Variants in RGS6 observed in about 807,000 individuals in gnomAD.
RGS6 encodes regulator of G protein signaling 6, also known as regulator of G-protein signaling 6.
RGS6 carries 30 observed loss-of-function variants against 78.5 expected under a neutral mutation model. That is an observed-to-expected ratio of 0.38 (90% CI 0.29 to 0.52). The LOEUF (loss-of-function observed/expected upper bound fraction) is 0.52, where lower values mean the gene tolerates loss of function less well. Among genes scored for constraint, RGS6 ranks in the 20% least tolerant of loss-of-function variants. RGS6 has a pLI of 0.85. For synonymous variants in RGS6, 206 were observed against 206.0 expected, an observed-to-expected ratio of 1.00 and a Z score of 0.00; for missense variants, 495 against 609.7, an observed-to-expected ratio of 0.81 and a Z score of 1.98.
intron 2 of RGS6, among the ~76,000 whole-genome samples, chr14:72,278,077 T>TG (rs964719473): frequency 1.3e-5 from 2 of 151,866 alleles, no homozygotes; most frequent in Admixed American, 6.6e-5. Context: ...TGGGGCAGAA[T>TG]GGGAAAAGAA....
intron 2 of RGS6, among the ~76,000 whole-genome samples, chr14:72,182,998 G>A (rs2097194439): frequency 6.6e-6 from 1 of 152,166 alleles, no homozygotes; most frequent in Non-Finnish European, 1.5e-5. Context: ...ACCTCCTTCA[G>A]CCACATGGTA....
At chr14:72,542,639 C>T (rs1380102675) in intron 17 of RGS6, among the ~76,000 whole-genome samples, 1 of 152,138 alleles carries the variant, frequency 6.6e-6, no homozygotes, top group Non-Finnish European at 1.5e-5. Context: ...AGGCCAATTA[C>T]CATTTAGGAT....
At chr14:72,388,193 A>G (rs2088848051) in intron 3 of RGS6, among the ~76,000 whole-genome samples, 1 of 152,188 alleles carries the variant, frequency 6.6e-6, no homozygotes, top group Non-Finnish European at 1.5e-5. Flanking sequence ...GTTTTCTGCC[A>G]GGAGCAGGTA....
intron 2 of RGS6, among the ~76,000 whole-genome samples, chr14:72,334,334 C>A (rs997081797): frequency 2.0e-5 from 3 of 152,216 alleles, no homozygotes; most frequent in African/African-American, 7.2e-5. Flanking sequence ...AAAGAGCCTT[C>A]CTATATGTCT....
At chr14:72,603,164 A>G in the RGS6 span, among the ~76,000 whole-genome samples, 2 of 152,162 alleles carry the variant, frequency 1.3e-5, no homozygotes, top group African/African-American at 4.8e-5. Flanking sequence ...CATGGAGATC[A>G]TTTTCATAAT....
intron 2 of RGS6, among the ~76,000 whole-genome samples, chr14:72,010,404 T>C (rs557230006): frequency 3.3e-5 from 5 of 152,296 alleles, no homozygotes; most frequent in East Asian, 1.9e-4. Flanking sequence ...AAAATGAGTT[T>C]AATGTAGGGA....
At chr14:72,555,865 CTGTT>C (rs141837647) in intron 17 of RGS6, among the ~76,000 whole-genome samples, 13 of 152,326 alleles carry the variant, frequency 8.5e-5, no homozygotes, top group South Asian at 2.1e-4. Flanking sequence ...CAGCAGGTGG[CTGTT>C]TGTTAGTAAC....
At chr14:72,401,593 T>C (rs2092407649) in intron 3 of RGS6, among the ~76,000 whole-genome samples, 1 of 150,616 alleles carries the variant, frequency 6.6e-6, no homozygotes, top group Admixed American at 6.6e-5. Flanking sequence ...TGAGTTTCTC[T>C]AGCAAGTTTG....
intron 1 of RGS6, among the ~76,000 whole-genome samples, chr14:71,947,830 A>T (rs970379516): frequency 2.0e-5 from 3 of 152,182 alleles, no homozygotes; most frequent in African/African-American, 7.2e-5. Flanking sequence ...TGTAGTTGAG[A>T]TTACCATGTT....
chr14:72,505,865 T>A (rs1004809835), intron 13 of RGS6, among the ~76,000 whole-genome samples: 5 of 152,260 alleles, frequency 3.3e-5, no homozygotes, highest in African/African-American at 1.2e-4. Context: ...AGCATTGATA[T>A]AGACAATTGC....
At chr14:72,459,818 A>G (rs977904198) in intron 6 of RGS6, 135 bp downstream of exon 6, 29 of 822,502 alleles carry the variant, frequency 3.5e-5, no homozygotes, top group East Asian at 2.5e-5. Flanking sequence ...CCTTTCTCAT[A>G]TTGTTGCTAT....
intron 2 of RGS6, among the ~76,000 whole-genome samples, chr14:72,329,756 A>G (rs1294050187): frequency 1.3e-5 from 2 of 152,178 alleles, no homozygotes; most frequent in East Asian, 3.9e-4. Context: ...TCTTGGAGGC[A>G]GTCTAAGGGC....
intron 2 of RGS6, among the ~76,000 whole-genome samples, chr14:72,042,252 C>A (rs778459346): frequency 1.3e-5 from 2 of 151,650 alleles, no homozygotes; most frequent in African/African-American, 4.8e-5. Context: ...CTCAGCCTCC[C>A]GAGTAGTTGG....
At chr14:72,469,917 A>C in intron 7 of RGS6, 90 bp from the exon 8 acceptor site, 1 of 953,206 alleles carries the variant, frequency 1.0e-6, no homozygotes, top group African/African-American at 1.6e-5. Flanking sequence ...GAAGTAACCA[A>C]AATTGATGGA....
rs576910025 is a variant in RGS6 at position 71,997,417 on chromosome 14, G to A, written c.84+32542G>A. Among the ~76,000 whole-genome samples, 4 of 152,114 alleles carry A rather than the reference G, an allele frequency of 2.6e-5. No individual in the cohort carries two copies. In the East Asian group the frequency reaches 7.7e-4, roughly 29 times the overall value. ...GGTTTGAACACTCATTGGCATAGAGGGTCAGGGCTTCATAGCCTAGAAGGA... is the reference window on the plus strand; with the variant it reads ...GGTTTGAACACTCATTGGCATAGAGAGTCAGGGCTTCATAGCCTAGAAGGA... On this transcript the variant is annotated intron_variant, in intron 2 of 17. Transcript: ENST00000553525.
chr14:71,993,852 G>T (rs1228791557), intron 2 of RGS6, among the ~76,000 whole-genome samples: 1 of 151,964 alleles, frequency 6.6e-6, no homozygotes, highest in Non-Finnish European at 1.5e-5. Flanking sequence ...AGAGCACGAG[G>T]GGGTAGCTGC....
At chr14:71,951,803 T>C (rs1160606621) in intron 1 of RGS6, among the ~76,000 whole-genome samples, 1 of 152,308 alleles carries the variant, frequency 6.6e-6, no homozygotes, top group South Asian at 2.1e-4. Flanking sequence ...CTCTATATTG[T>C]AAAATTATTG....
intron 6 of RGS6, chr14:72,464,599 C>T (rs1211972170): frequency 6.6e-6 from 1 of 152,214 alleles, no homozygotes; most frequent in Admixed American, 6.5e-5. Context: ...ATCACAGGTT[C>T]TCTCTGGCCC....
At chr14:72,179,855 G>A (rs1156852647) in intron 2 of RGS6, among the ~76,000 whole-genome samples, 1 of 152,100 alleles carries the variant, frequency 6.6e-6, no homozygotes, top group East Asian at 1.9e-4. Context: ...CCTGGAGGTG[G>A]GTCCAGCAAT....
Sources: gnomAD v4.1 joint callset for allele counts (sites outside exome capture counted in the v4.1 genomes callset) on GRCh38, gnomAD v4.1.1 for gene constraint, MANE v1.5 for transcripts, NCBI Gene and HGNC (gene_info 2026-07-23, HGNC 2026-07-21) for gene names.